Variants in CNIH3 observed in about 807,000 individuals in gnomAD.
CNIH3 encodes the protein cornichon family AMPA receptor auxiliary protein 3, also known as protein cornichon homolog 3.
Under a neutral mutation model 24.1 loss-of-function variants are expected in CNIH3, and 14 were observed. That is an observed-to-expected ratio of 0.58 (90% CI 0.38 to 0.91). The LOEUF is 0.91. Ranked by LOEUF, CNIH3 falls within the 40% of genes least tolerant of loss-of-function variation. CNIH3 has a pLI of 0.00. For synonymous variants in CNIH3, 68 were observed against 73.8 expected, an observed-to-expected ratio of 0.92 and a Z score of 0.40; for missense variants, 178 against 196.8, an observed-to-expected ratio of 0.90 and a Z score of 0.57.
chr1:224,548,490 T>A (rs78191505), intron 3 of CNIH3, among the ~76,000 whole-genome samples: 11,902 of 151,690 alleles, frequency 0.078, 606 homozygotes, highest in South Asian at 0.13. Context: ...AGTGGGTATA[T>A]ACCCTCTGAT....
At chr1:224,677,984 G>A (rs1250699389) in intron 1 of CNIH3, among the ~76,000 whole-genome samples, 1 of 152,126 alleles carries the variant, frequency 6.6e-6, no homozygotes, top group Non-Finnish European at 1.5e-5. Context: ...GAAAACCGAT[G>A]TCAGCCTTAC....
At chr1:224,584,016 C>G (rs12044182) in intron 5 of CNIH3, among the ~76,000 whole-genome samples, 13,864 of 152,242 alleles carry the variant, frequency 0.091, 844 homozygotes, top group South Asian at 0.24. Flanking sequence ...AACTCACTCA[C>G]CACTGCATTA....
Position 224,647,864 on chromosome 1 carries a change from A to G in CNIH3, c.81+30609A>G, listed in dbSNP as rs1684685992. ...TGCAGGCACAGGGGCTGAGTGGGCC[A>G]GGTGGCTGGACAGATAGTGGCAGGT... On this transcript the variant is annotated intron_variant, in intron 1 of 5. Transcript: ENST00000272133. Among the ~76,000 whole-genome samples, 4 of 152,078 alleles carry G rather than the reference A, an allele frequency of 2.6e-5. No homozygotes were observed. The South Asian group carries it at 8.3e-4, about 32-fold the overall frequency.
At chr1:224,732,316 C>T (rs1311139779) in intron 4 of CNIH3, among the ~76,000 whole-genome samples, 6 of 152,116 alleles carry the variant, frequency 3.9e-5, no homozygotes, top group African/African-American at 1.4e-4. Flanking sequence ...TGCCATTGAC[C>T]AGGGCCAGCA....
At chr1:224,517,875 A>G (rs1202946317) in intron 1 of CNIH3, among the ~76,000 whole-genome samples, 1 of 152,260 alleles carries the variant, frequency 6.6e-6, no homozygotes, top group Non-Finnish European at 1.5e-5. Context: ...ATTACTGCCA[A>G]CCCAGTGGAG....
At chr1:224,568,074 G>A (rs572942106) in intron 4 of CNIH3, among the ~76,000 whole-genome samples, 1 of 152,146 alleles carries the variant, frequency 6.6e-6, no homozygotes, top group South Asian at 2.1e-4. Context: ...GGCGGATCAC[G>A]AGGTCAGGAG....
chr1:224,470,317 CTTTTTT>C (rs1328534764), intron 1 of CNIH3, among the ~76,000 whole-genome samples: 196 of 134,316 alleles, frequency 1.5e-3, no homozygotes, highest in African/African-American at 4.3e-3. Context: ...TGTGCCTGGC[CTTTTTT>C]TTTTTTTTTT....
chr1:224,652,852 GCTT>G (rs1427739061), intron 1 of CNIH3, among the ~76,000 whole-genome samples: 1 of 152,184 alleles, frequency 6.6e-6, no homozygotes, highest in Admixed American at 6.5e-5. Context: ...GCACACGTGG[GCTT>G]CTTCTCTCTG....
At chr1:224,497,425 A>T (rs1367994591) in intron 1 of CNIH3, among the ~76,000 whole-genome samples, 1 of 152,240 alleles carries the variant, frequency 6.6e-6, no homozygotes, top group East Asian at 1.9e-4. Context: ...TTGATTTTTA[A>T]AGTCTAGGAA....
At chr1:224,715,049 C>A (rs1688355976) in intron 3 of CNIH3, among the ~76,000 whole-genome samples, 1 of 152,114 alleles carries the variant, frequency 6.6e-6, no homozygotes, top group Admixed American at 6.5e-5. Flanking sequence ...AACAAAAAAC[C>A]CCTTGTTCAC....
intron 2 of CNIH3, among the ~76,000 whole-genome samples, chr1:224,534,152 G>A (rs1212084450): frequency 1.3e-5 from 2 of 152,130 alleles, no homozygotes; most frequent in African/African-American, 4.8e-5. Flanking sequence ...GTGACAGAGC[G>A]AGACCATGTC....
At chr1:224,682,898 C>T (rs150770301) in intron 2 of CNIH3, among the ~76,000 whole-genome samples, 141 of 152,358 alleles carry the variant, frequency 9.3e-4, no homozygotes, top group African/African-American at 3.0e-3. Context: ...AGGAATTTGT[C>T]CTACTGCTCA....
intron 3 of CNIH3, among the ~76,000 whole-genome samples, chr1:224,600,467 C>T (rs1682160612): frequency 6.6e-6 from 1 of 152,150 alleles, no homozygotes; most frequent in African/African-American, 2.4e-5. Context: ...GCTGGGATTA[C>T]AGGTGTGAGC....
At chr1:224,456,865 G>A (rs1675684875) in intron 1 of CNIH3, among the ~76,000 whole-genome samples, 1 of 152,230 alleles carries the variant, frequency 6.6e-6, no homozygotes, top group African/African-American at 2.4e-5. Flanking sequence ...GCAGGTATCA[G>A]TGATCCAAGA....
intron 1 of CNIH3, among the ~76,000 whole-genome samples, chr1:224,663,192 A>G (rs1007066627): frequency 2.0e-5 from 3 of 152,294 alleles, no homozygotes; most frequent in Admixed American, 1.3e-4. Flanking sequence ...CAGTCCTATG[A>G]TTCAAAGACC....
chr1:224,566,388 A>G (rs1331273477), intron 4 of CNIH3: 1 of 146,700 alleles, frequency 6.8e-6, no homozygotes, highest in Admixed American at 6.7e-5. Context: ...TTTTTAAATT[A>G]TACTTTAAGT....
chr1:224,607,482 T>A (rs1682483617), intron 3 of CNIH3, among the ~76,000 whole-genome samples: 1 of 152,240 alleles, frequency 6.6e-6, no homozygotes, highest in East Asian at 1.9e-4. Flanking sequence ...AATCTACATT[T>A]TTCATTTGAA....
intron 4 of CNIH3, among the ~76,000 whole-genome samples, chr1:224,582,333 T>C (rs1433990478): frequency 6.6e-6 from 1 of 152,216 alleles, no homozygotes; most frequent in South Asian, 2.1e-4. Context: ...TTTCTTATTA[T>C]GTGCAGAGAC....
At chr1:224,531,504 G>C (rs1407114962) in intron 2 of CNIH3, among the ~76,000 whole-genome samples, 1 of 152,204 alleles carries the variant, frequency 6.6e-6, no homozygotes, top group Admixed American at 6.5e-5. Flanking sequence ...TAGGTCATAG[G>C]GAATGTGGTA....
Sources: allele counts gnomAD v4.1 joint callset (sites outside exome capture counted in the v4.1 genomes callset), GRCh38; gene constraint gnomAD v4.1.1; transcripts MANE v1.5; gene names NCBI Gene and HGNC (gene_info 2026-07-23, HGNC 2026-07-21).